ZNF280D: variants seen among roughly 807,000 people sequenced by gnomAD.
ZNF280D encodes suppressor of hairy wing homolog 4.
In ZNF280D, 39 loss-of-function variants were observed where a neutral mutation model predicts 94.7. That is an observed-to-expected ratio of 0.41 (90% CI 0.32 to 0.54). ZNF280D has a LOEUF of 0.54. ZNF280D is among the 20% of genes least tolerant of loss of function. The probability of loss-of-function intolerance (pLI) is 0.22; values close to 1 mark genes in which losing one functional copy is unlikely to be tolerated. For synonymous variants in ZNF280D, 398 were observed against 377.6 expected (o/e 1.05, Z -0.63); for missense variants, 1,090 against 1,149.3 (o/e 0.95, Z 0.75).
At chr15:56,694,671 G>C (rs2056640901) in intron 6 of ZNF280D, among the ~76,000 whole-genome samples, 1 of 152,004 alleles carries the variant, frequency 6.6e-6, no homozygotes, top group South Asian at 2.1e-4. Flanking sequence ...AAATTAATTA[G>C]CCACTACTCT....
intron 4 of ZNF280D, among the ~76,000 whole-genome samples, chr15:56,703,422 T>C (rs1230222663): frequency 1.3e-5 from 2 of 152,196 alleles, no homozygotes; most frequent in Non-Finnish European, 2.9e-5. Flanking sequence ...GACATTGCAG[T>C]GAGGACTGGA....
intron 20 of ZNF280D, among the ~76,000 whole-genome samples, chr15:56,640,130 G>A (rs1308488618): frequency 6.6e-6 from 1 of 151,976 alleles, no homozygotes; most frequent in Non-Finnish European, 1.5e-5. Flanking sequence ...TACAGAAAAG[G>A]AAAAGAAATC....
intron 6 of ZNF280D, chr15:56,700,618 C>T: frequency 8.1e-7 from 1 of 1,238,650 alleles, no homozygotes; most frequent in Non-Finnish European, 1.0e-6. Context: ...GTCCCGTCTG[C>T]AATCTTAAAT....
At chr15:56,723,411 G>A (rs1327383588) in intron 1 of ZNF280D, among the ~76,000 whole-genome samples, 3 of 152,084 alleles carry the variant, frequency 2.0e-5, no homozygotes, top group Non-Finnish European at 4.4e-5. Flanking sequence ...AGAATAATGG[G>A]TAACAGGTTT....
intron 13 of ZNF280D, among the ~76,000 whole-genome samples, chr15:56,669,911 ATAT>A (rs1169630176): frequency 2.9e-4 from 2 of 6,946 alleles, no homozygotes; most frequent in Admixed American, 8.3e-3. Flanking sequence ...TAATATATAT[ATAT>A]TATATATATA....
chr15:56,697,072 G>T (rs377249851), intron 6 of ZNF280D, among the ~76,000 whole-genome samples: 2 of 151,910 alleles, frequency 1.3e-5, no homozygotes, highest in East Asian at 3.9e-4. Flanking sequence ...TCCCTCAAAT[G>T]CCAAACAGCT....
intron 16 of ZNF280D, among the ~76,000 whole-genome samples, chr15:56,660,785 A>G (rs1646754705): frequency 6.6e-6 from 1 of 152,202 alleles, no homozygotes; most frequent in Non-Finnish European, 1.5e-5. Flanking sequence ...TTATACCTCA[A>G]GAAAACTGAG....
intron 11 of ZNF280D, 81 bp from the exon 12 acceptor site, chr15:56,677,755 A>G (rs1295889275): frequency 1.1e-5 from 5 of 464,348 alleles, no homozygotes; most frequent in Non-Finnish European, 1.4e-5. Context: ...ATCAACAACA[A>G]TAACAGTAGC....
intron 1 of ZNF280D, among the ~76,000 whole-genome samples, chr15:56,728,362 T>C (rs568321593): frequency 6.6e-6 from 1 of 152,282 alleles, no homozygotes; most frequent in African/African-American, 2.4e-5. Flanking sequence ...TGCAGGGGTA[T>C]GCAAAGGTGA....
intron 1 of ZNF280D, among the ~76,000 whole-genome samples, chr15:56,710,895 C>G (rs2057723426): frequency 6.6e-6 from 1 of 152,062 alleles, no homozygotes; most frequent in Non-Finnish European, 1.5e-5. Context: ...CAAACTACAA[C>G]TGTAGTATCT....
At chr15:56,705,695 T>C (rs2057360616) in intron 3 of ZNF280D, among the ~76,000 whole-genome samples, 1 of 152,242 alleles carries the variant, frequency 6.6e-6, no homozygotes, top group East Asian at 1.9e-4. Flanking sequence ...TTACTTTCCT[T>C]CAAAATCTGA....
chr15:56,686,387 C>T (rs1002191448), intron 9 of ZNF280D, among the ~76,000 whole-genome samples: 2 of 152,182 alleles, frequency 1.3e-5, no homozygotes, highest in Non-Finnish European at 2.9e-5. Flanking sequence ...GATCTGCTGG[C>T]CTCGGCCTCC....
chr15:56,674,122 T>C (rs2055057599), intron 13 of ZNF280D, among the ~76,000 whole-genome samples: 1 of 152,072 alleles, frequency 6.6e-6, no homozygotes, highest in Non-Finnish European at 1.5e-5. Flanking sequence ...CAGTAAATAT[T>C]TCTTAAATGA....
At chr15:56,652,906 G>C in intron 19 of ZNF280D, 2 of 980,496 alleles carry the variant, frequency 2.0e-6, no homozygotes, top group Non-Finnish European at 2.4e-6. Flanking sequence ...GAAATCTCTT[G>C]GAGTTCTTAA....
intron 7 of ZNF280D, among the ~76,000 whole-genome samples, chr15:56,690,316 T>C (rs533736629): frequency 1.1e-4 from 16 of 151,908 alleles, no homozygotes; most frequent in Non-Finnish European, 1.8e-4. Flanking sequence ...TGGGAGGCGG[T>C]GCTTGCAGTG....
intron 4 of ZNF280D, among the ~76,000 whole-genome samples, chr15:56,703,823 C>T (rs2057234314): frequency 1.3e-5 from 2 of 151,852 alleles, no homozygotes; most frequent in African/African-American, 4.8e-5. Context: ...CACTGCACTC[C>T]AGACTAGCGA....
chr15:56,697,060 T>C (rs2056790942), intron 6 of ZNF280D, among the ~76,000 whole-genome samples: 2 of 152,238 alleles, frequency 1.3e-5, no homozygotes, highest in Admixed American at 1.3e-4. Flanking sequence ...TTTCTATTTT[T>C]TTCCCTCAAA....
chr15:56,731,139 T>C (rs376370263), intron 1 of ZNF280D, among the ~76,000 whole-genome samples: 3 of 152,102 alleles, frequency 2.0e-5, no homozygotes, highest in East Asian at 1.9e-4. Context: ...ATTTAAACAC[T>C]ATCAGGAGGA....
intron 10 of ZNF280D, among the ~76,000 whole-genome samples, chr15:56,679,814 C>G (rs908515503): frequency 6.6e-6 from 1 of 152,196 alleles, no homozygotes; most frequent in Non-Finnish European, 1.5e-5. Context: ...ATTTACAGCA[C>G]TATTCTCTTT....
Sources: allele counts gnomAD v4.1 joint callset (sites outside exome capture counted in the v4.1 genomes callset), GRCh38; gene constraint gnomAD v4.1.1; transcripts MANE v1.5; gene names NCBI Gene and HGNC (gene_info 2026-07-23, HGNC 2026-07-21).